The following FAM222B variants were observed in gnomAD, a reference collection of about 807,000 sequenced individuals.
The protein encoded by FAM222B is family with sequence similarity 222 member B.
In FAM222B, 12 loss-of-function variants were observed where a neutral mutation model predicts 38.0. The ratio of observed to expected loss-of-function variants is 0.32; its 90% CI spans 0.20 to 0.51. The LOEUF is 0.51. Among genes scored for constraint, FAM222B ranks in the 20% least tolerant of loss-of-function variants. The probability of loss-of-function intolerance (pLI) is 0.97; values close to 1 mark genes in which losing one functional copy is unlikely to be tolerated. For synonymous variants in FAM222B, 329 were observed against 317.2 expected (o/e 1.04, Z -0.40); for missense variants, 716 against 754.2 (o/e 0.95, Z 0.59).
At chr17:28,801,514 C>T (rs118096000) in intron 1 of FAM222B, among the ~76,000 whole-genome samples, 54 of 149,056 alleles carry the variant, frequency 3.6e-4, no homozygotes, top group Admixed American at 1.4e-3. Context: ...AAAAGCCAAA[C>T]CAGTATCTTT....
chr17:28,852,387 C>T (rs1472623046), intron 1 of FAM222B, among the ~76,000 whole-genome samples: 1 of 151,870 alleles, frequency 6.6e-6, no homozygotes, highest in Non-Finnish European at 1.5e-5. Context: ...GGTACAGTGA[C>T]TCACGCCTGT....
chr17:28,781,238 C>T (rs1252058966), intron 1 of FAM222B, among the ~76,000 whole-genome samples: 1 of 152,096 alleles, frequency 6.6e-6, no homozygotes, highest in East Asian at 1.9e-4. Context: ...GTCGACGCTG[C>T]AGTGAGCCAT....
rs749898291 is a variant in FAM222B at position 28,759,595 on chromosome 17, G to A, written c.364C>T (p.Arg122Trp). The A allele has an allele frequency of 1.4e-5, 22 of 1,612,318 alleles. No homozygotes were observed. The highest frequency in any genetic ancestry group is 3.3e-5 in the South Asian group (3 of 90,726). Residue 122 changes from arginine to tryptophan, a missense_variant, in exon 3 of 3, where the codon CGG becomes TGG. Coordinates refer to ENST00000581407, the MANE Select transcript of FAM222B (RefSeq NM_001077498.3). The surrounding 1 kb of genome is among the most constrained non-coding windows in gnomAD (Gnocchi z 4.8). ...ILKDFDGTRA[R>W]LLPEAIMNPP... is the part of the protein sequence containing the mutation. ...TTCATGATGGCCTCAGGGAGCAACC[G>A]GGCTCGGGTGCCGTCAAAGTCCTTG...
chr17:28,806,591 G>A (rs147780166), intron 1 of FAM222B, among the ~76,000 whole-genome samples: 1 of 152,164 alleles, frequency 6.6e-6, no homozygotes, highest in Non-Finnish European at 1.5e-5. Flanking sequence ...ACGGCACCCT[G>A]TCTCAAAACA....
At position 28,764,434 on chromosome 17, in the gene FAM222B, G is replaced by A. The variant is rs1461327051; in HGVS notation, c.82+2152C>T. ...TCCAGCCTGGGTGACAAGAGCAAAA[G>A]TCCTCCTCAAAATAATAAAATAAAA... is the stretch of plus-strand genomic sequence containing the variant. On this transcript the variant is annotated intron_variant, in intron 2 of 2. Transcript: ENST00000581407. Among the ~76,000 whole-genome samples, 6 of 150,460 alleles carry A rather than the reference G, an allele frequency of 4.0e-5. No individual in the cohort carries two copies. In the East Asian group the frequency reaches 9.9e-4, roughly 25 times the overall value.
rs373327901 is a variant in FAM222B at position 28,849,569 on chromosome 17, AC to A, written c.-41+5380del. The A allele has an allele frequency of 1.6e-4, 24 of 152,174 alleles. 1 individual carries two copies. Among genetic ancestry groups the A allele is most frequent in the African/African-American group, 5.3e-4 (22 of 41,392 alleles). 9.4% of individuals were successfully genotyped at this position (152,174 alleles called of 1,614,324 possible). A position where few individuals can be genotyped will look rare whatever the true frequency, so the allele number is the denominator to read the frequency against. The stretch of plus-strand genomic sequence containing the variant: ...GTGTTTTCTTCCAAGAAGCTGCAAC[AC>A]CCAAGGTTGGTAACTCTCATAACCA... On this transcript the variant is annotated intron_variant, in intron 1 of 2. Transcript: ENST00000577513.
At chr17:28,760,650 G>C (rs1002180767) in intron 2 of FAM222B, among the ~76,000 whole-genome samples, 1 of 152,144 alleles carries the variant, frequency 6.6e-6, no homozygotes, top group Non-Finnish European at 1.5e-5. Flanking sequence ...CTTGGGGGTA[G>C]GTTCTAAGCA....
chr17:28,767,164 A>AT (rs1001769084), intron 1 of FAM222B: 6 of 152,722 alleles, frequency 3.9e-5, no homozygotes, highest in Non-Finnish European at 5.8e-5. Context: ...CTTTTATTTT[A>AT]TTTTTTTTGA....
chr17:28,774,460 G>C (rs1309683741), intron 1 of FAM222B, among the ~76,000 whole-genome samples: 1 of 152,132 alleles, frequency 6.6e-6, no homozygotes, highest in Non-Finnish European at 1.5e-5. Context: ...GGGGGACTAT[G>C]GTATCACAGT....
intron 1 of FAM222B, among the ~76,000 whole-genome samples, chr17:28,809,016 T>TA (rs901956838): frequency 4.6e-5 from 7 of 152,024 alleles, no homozygotes; most frequent in South Asian, 2.1e-4. Flanking sequence ...AGAGAGAACA[T>TA]AGAGTCCTTT....
intron 1 of FAM222B, among the ~76,000 whole-genome samples, chr17:28,784,096 C>G (rs1301153377): frequency 6.6e-6 from 1 of 152,072 alleles, no homozygotes; most frequent in African/African-American, 2.4e-5. Context: ...CACCACCACA[C>G]CTGGCCGAGA....
chr17:28,775,593 T>C (rs1385087424), intron 1 of FAM222B, among the ~76,000 whole-genome samples: 3 of 151,692 alleles, frequency 2.0e-5, no homozygotes, highest in Admixed American at 6.6e-5. Context: ...AAAAGTAAAA[T>C]TGGAGGTCAT....
intron 1 of FAM222B, among the ~76,000 whole-genome samples, chr17:28,820,306 T>A (rs1029806840): frequency 6.6e-6 from 1 of 152,212 alleles, no homozygotes; most frequent in African/African-American, 2.4e-5. Flanking sequence ...CCTAAGTACA[T>A]TACAGGTAAT....
chr17:28,822,815 AAAAAAAAAAAAAAAAAAATATATAT>A (rs2038283709), intron 1 of FAM222B, among the ~76,000 whole-genome samples: 3 of 86,118 alleles, frequency 3.5e-5, no homozygotes, highest in African/African-American at 1.7e-4. Flanking sequence ...AAAAAAAAAA[AAAAAAAAAAAAAAAAAAATATATAT>A]ATATATATAT....
At chr17:28,846,019 C>T (rs1183903422), upstream of FAM222B, among the ~76,000 whole-genome samples, 30 of 150,876 alleles carry the variant, frequency 2.0e-4, 1 homozygote, top group South Asian at 4.2e-4. Context: ...CTGGCTAACA[C>T]GGTGAAACCC....
chr17:28,827,298 C>T (rs991424683), intron 1 of FAM222B, among the ~76,000 whole-genome samples: 1 of 151,846 alleles, frequency 6.6e-6, no homozygotes, highest in Admixed American at 6.6e-5. Flanking sequence ...TTAGAAGCTG[C>T]AGTGAGCTAT....
chr17:28,777,782 C>CT (rs35415902), intron 1 of FAM222B, among the ~76,000 whole-genome samples: 28,326 of 147,672 alleles, frequency 0.19, 2,760 homozygotes, highest in South Asian at 0.3. Context: ...ATGCCTGGTA[C>CT]TTTTTTTTTT....
chr17:28,845,198 G>A (rs1326447206), upstream of FAM222B, among the ~76,000 whole-genome samples: 4 of 151,824 alleles, frequency 2.6e-5, no homozygotes, highest in Middle Eastern at 6.8e-3. Flanking sequence ...TCAGGAAATC[G>A]AGACCATCCT....
At chr17:28,761,997 G>C (rs1422976694) in intron 2 of FAM222B, 1 of 152,252 alleles carries the variant, frequency 6.6e-6, no homozygotes, top group East Asian at 1.9e-4. Context: ...TTGATGAGTA[G>C]AAGAGTCCCT....
Sources: allele counts gnomAD v4.1 joint callset (sites outside exome capture counted in the v4.1 genomes callset), GRCh38; gene constraint gnomAD v4.1.1; non-coding constraint Gnocchi (gnomAD v3.1); transcripts MANE v1.5; gene names NCBI Gene and HGNC (gene_info 2026-07-23, HGNC 2026-07-21).